GTF2F2: variants seen among roughly 807,000 people sequenced by gnomAD.
GTF2F2 encodes general transcription factor IIF subunit 2.
GTF2F2 carries 23 observed loss-of-function variants against 42.2 expected under a neutral mutation model. That is an observed-to-expected ratio of 0.55 (90% CI 0.39 to 0.77). GTF2F2 has a LOEUF of 0.77. GTF2F2 is among the 30% of genes least tolerant of loss of function. The probability of loss-of-function intolerance (pLI) is 0.00; values close to 1 mark genes in which losing one functional copy is unlikely to be tolerated. For missense variants in GTF2F2, 261 were observed against 287.2 expected, an observed-to-expected ratio of 0.91 and a Z score of 0.66; for synonymous variants, 105 against 100.8, an observed-to-expected ratio of 1.04 and a Z score of -0.25.
At chr13:45,161,709 G>A (rs1398176634) in intron 4 of GTF2F2, among the ~76,000 whole-genome samples, 1 of 152,160 alleles carries the variant, frequency 6.6e-6, no homozygotes, top group Non-Finnish European at 1.5e-5. Flanking sequence ...CAGCTGTGGT[G>A]GTGAGTGCCT....
chr13:45,162,369 G>GA (rs765320595), intron 4 of GTF2F2, among the ~76,000 whole-genome samples: 4 of 152,198 alleles, frequency 2.6e-5, no homozygotes, highest in Non-Finnish European at 5.9e-5. Context: ...TTACTCCTTT[G>GA]AGTAACAGCC....
intron 5 of GTF2F2, among the ~76,000 whole-genome samples, chr13:45,250,999 T>A (rs1313107961): frequency 6.6e-6 from 1 of 152,238 alleles, no homozygotes; most frequent in Admixed American, 6.5e-5. Flanking sequence ...AAGTAAATCA[T>A]CTTGTGTATT....
At chr13:45,235,594 CT>C (rs1251596236) in intron 5 of GTF2F2, among the ~76,000 whole-genome samples, 7 of 144,674 alleles carry the variant, frequency 4.8e-5, no homozygotes, top group African/African-American at 7.5e-5. Flanking sequence ...TTTCCTTTTT[CT>C]TTTTTTTTTC....
chr13:45,218,970 T>C (rs1471835579), intron 5 of GTF2F2, among the ~76,000 whole-genome samples: 2 of 152,154 alleles, frequency 1.3e-5, no homozygotes, highest in African/African-American at 2.4e-5. Context: ...CTTGAATTAT[T>C]TAAGGAATCT....
At chr13:45,181,235 A>G (rs1872155942) in intron 4 of GTF2F2, among the ~76,000 whole-genome samples, 1 of 151,288 alleles carries the variant, frequency 6.6e-6, no homozygotes, top group East Asian at 1.9e-4. Context: ...TCCAGATATC[A>G]TGGCATCAAT....
At position 45,201,898 on chromosome 13, in the gene GTF2F2, G is replaced by A. The variant is rs1408653516; in HGVS notation, c.305-5526G>A. On this transcript the variant is annotated intron_variant, in intron 4 of 7. Transcript: ENST00000340473. ...AGTTTGTGTGGCTTCTCTGCAGAGT[G>A]CTGGCAAGACCATGTCCTTCTAGTA... Among the ~76,000 whole-genome samples, 3 of 152,162 alleles carry A rather than the reference G, an allele frequency of 2.0e-5. No homozygotes were observed. The East Asian group carries it at 5.8e-4, about 29-fold the overall frequency.
At chr13:45,159,613 C>T (rs1870937615) in intron 4 of GTF2F2, among the ~76,000 whole-genome samples, 1 of 152,154 alleles carries the variant, frequency 6.6e-6, no homozygotes, top group Admixed American at 6.5e-5. Flanking sequence ...TTACAGACTA[C>T]AGACGTGCGC....
chr13:45,233,291 A>G (rs1874783264), intron 5 of GTF2F2, among the ~76,000 whole-genome samples: 1 of 152,170 alleles, frequency 6.6e-6, no homozygotes, highest in Non-Finnish European at 1.5e-5. Flanking sequence ...AATGAATTAA[A>G]TCCATAGAAG....
intron 1 of GTF2F2, among the ~76,000 whole-genome samples, chr13:45,131,920 AAGAG>A (rs1266188450): frequency 7.5e-5 from 11 of 146,290 alleles, no homozygotes; most frequent in South Asian, 2.1e-4. Context: ...AAAAAAAAAA[AAGAG>A]AGAGAGAGAA....
At chr13:45,194,516 G>A in intron 4 of GTF2F2, 1 of 1,614,066 alleles carries the variant, frequency 6.2e-7, no homozygotes, top group Non-Finnish European at 8.5e-7. Flanking sequence ...AGGCTGTTGT[G>A]TTTCCCTTCA....
chr13:45,253,589 C>T (rs1455653113), intron 6 of GTF2F2, among the ~76,000 whole-genome samples: 2 of 152,178 alleles, frequency 1.3e-5, no homozygotes, highest in Non-Finnish European at 2.9e-5. Context: ...ATGGAAAATT[C>T]CAGATGTAAA....
chr13:45,258,208 A>G (rs950463022), intron 6 of GTF2F2, among the ~76,000 whole-genome samples: 2 of 151,016 alleles, frequency 1.3e-5, no homozygotes, highest in Non-Finnish European at 2.9e-5. Context: ...GTTAGTGTCT[A>G]TGGTGGAATC....
At chr13:45,194,220 G>A (rs911837661) in intron 4 of GTF2F2, 8 of 1,614,132 alleles carry the variant, frequency 5.0e-6, no homozygotes, top group Non-Finnish European at 6.8e-6. Context: ...TGAGCTGAAA[G>A]AATTCTGCTT....
chr13:45,146,017 C>G (rs1870176183), intron 2 of GTF2F2, among the ~76,000 whole-genome samples: 1 of 152,128 alleles, frequency 6.6e-6, no homozygotes, highest in South Asian at 2.1e-4. Context: ...ATAGCGATGC[C>G]CTCCTTACCT....
At chr13:45,172,023 C>T (rs781432703) in intron 4 of GTF2F2, among the ~76,000 whole-genome samples, 11 of 152,048 alleles carry the variant, frequency 7.2e-5, no homozygotes, top group Non-Finnish European at 1.2e-4. Context: ...AGATTGTTTC[C>T]GTTTTTTTGG....
At chr13:45,166,791 A>G (rs1306448648) in intron 4 of GTF2F2, among the ~76,000 whole-genome samples, 1 of 152,256 alleles carries the variant, frequency 6.6e-6, no homozygotes, top group Admixed American at 6.5e-5. Context: ...CCCAGTAGGG[A>G]CATTATATAC....
chr13:45,133,270 G>T (rs1406504061), intron 1 of GTF2F2, among the ~76,000 whole-genome samples: 2 of 151,904 alleles, frequency 1.3e-5, no homozygotes, highest in East Asian at 3.9e-4. Context: ...AGGGTTAGAA[G>T]AATTGTTGGG....
chr13:45,191,225 ATATATATAT>A lies in GTF2F2; in HGVS notation c.305-16198_305-16190del, dbSNP rs1470020184. 1.7e-4 allele frequency among the ~76,000 whole-genome samples: 10 copies of A among 60,354 alleles called. 1 individual carries two copies. Among genetic ancestry groups the A allele is most frequent in the African/African-American group, 4.6e-4 (6 of 13,078 alleles). 39.6% of individuals were successfully genotyped at this position (60,354 alleles called of 152,430 possible). On this transcript the variant is annotated intron_variant, in intron 4 of 7. Coordinates refer to ENST00000340473, the MANE Select transcript of GTF2F2 (RefSeq NM_004128.3). Reference sequence around the variant, plus strand: ...TCTCTACTAAAAATACAAAAAAAAAATATATATATATATATATATATATATATATAGCCA... The same window carrying A: ...TCTCTACTAAAAATACAAAAAAAAAAATATATATATATATATATATAGCCA...
chr13:45,144,228 G>A (rs1475535899), intron 2 of GTF2F2, among the ~76,000 whole-genome samples: 1 of 151,930 alleles, frequency 6.6e-6, no homozygotes, highest in Non-Finnish European at 1.5e-5. Context: ...ACTCCAGCTT[G>A]GTCAACAAGC....
Sources: allele counts gnomAD v4.1 joint callset (sites outside exome capture counted in the v4.1 genomes callset), GRCh38; gene constraint gnomAD v4.1.1; transcripts MANE v1.5; gene names NCBI Gene and HGNC (gene_info 2026-07-23, HGNC 2026-07-21).